Variants in PARVB observed in about 807,000 individuals in gnomAD.
PARVB encodes the protein beta-parvin.
Under a neutral mutation model 47.0 loss-of-function variants are expected in PARVB, and 46 were observed. That is an observed-to-expected ratio of 0.98 (90% CI 0.77 to 1.25). The LOEUF (loss-of-function observed/expected upper bound fraction) is 1.25. Ranked by LOEUF, PARVB falls within the 50% of genes most tolerant of loss-of-function variation. PARVB has a pLI of 0.00. For missense variants in PARVB, 473 were observed against 471.6 expected, an observed-to-expected ratio of 1.00 and a Z score of -0.03; for synonymous variants, 196 against 196.3, an observed-to-expected ratio of 1.00 and a Z score of 0.01.
intron 1 of PARVB, among the ~76,000 whole-genome samples, chr22:44,044,300 T>C (rs185794015): frequency 0.015 from 2,195 of 150,912 alleles, 21 homozygotes; most frequent in South Asian, 0.035. Context: ...ACGCCATTCT[T>C]CTGCCTCAGC....
chr22:44,024,285 G>T (rs1432785420), upstream of PARVB: 5 of 964,256 alleles, frequency 5.2e-6, no homozygotes, highest in Non-Finnish European at 6.2e-6. Context: ...CTCTCCCCGG[G>T]GCGACCGGGC....
chr22:44,069,235 T>A, intron 1 of PARVB: 2 of 1,373,508 alleles, frequency 1.5e-6, no homozygotes, highest in Non-Finnish European at 2.1e-6. Flanking sequence ...CTTTTCTGCT[T>A]TATGGCAGAA....
chr22:44,053,180 T>C (rs2051243539), intron 1 of PARVB, among the ~76,000 whole-genome samples: 1 of 149,696 alleles, frequency 6.7e-6, no homozygotes, highest in African/African-American at 2.5e-5. Flanking sequence ...GCCTCCTGGG[T>C]TCAAGCAATT....
intron 7 of PARVB, among the ~76,000 whole-genome samples, chr22:44,138,716 C>T (rs1043751116): frequency 1.3e-5 from 2 of 152,180 alleles, no homozygotes; most frequent in African/African-American, 4.8e-5. Context: ...CTCCTGTCTG[C>T]CAAGCAGGAG....
At chr22:44,094,949 T>C (rs1051756583) in intron 2 of PARVB, among the ~76,000 whole-genome samples, 5 of 151,202 alleles carry the variant, frequency 3.3e-5, no homozygotes, top group Non-Finnish European at 5.9e-5. Context: ...CCACGTGGCG[T>C]GGCGTGGTAT....
In PARVB at chr22:44,046,965, G is replaced by A. The variant is rs552520892; in HGVS notation, c.112+22514G>A. Among the ~76,000 whole-genome samples the A allele has an allele frequency of 2.8e-4, 42 of 152,088 alleles. 1 individual carries two copies. The highest frequency in any genetic ancestry group is 7.8e-4 in the Admixed American group (12 of 15,294). ...AGAACTGGCTCCTGGGTCGGTGTGC[G>A]GGGGGTGGGGATGGCCCGGGGGCCG... On this transcript the variant is annotated intron_variant, in intron 1 of 12. Transcript: ENST00000338758.
chr22:44,113,957 A>G (rs1601622192), intron 3 of PARVB: 1 of 60,114 alleles, frequency 1.7e-5, no homozygotes, highest in Non-Finnish European at 3.1e-5. Context: ...GCACCAGCAC[A>G]GATATATTGT....
At chr22:44,051,949 G>T (rs1178107551) in intron 1 of PARVB, among the ~76,000 whole-genome samples, 3 of 152,136 alleles carry the variant, frequency 2.0e-5, no homozygotes, top group Non-Finnish European at 4.4e-5. Flanking sequence ...ATGCACCGAG[G>T]ACTGATGGCC....
chr22:44,170,123 C>T lies in PARVB; in HGVS notation c.*1445C>T, dbSNP rs2147202293. On this transcript the variant is annotated 3_prime_UTR_variant, in exon 13 of 13. Transcript: ENST00000338758. Reference sequence around the variant, plus strand: ...TCAATTGATCCTCCCACCTCAGCCTCCCAAGTAGCGGGGACCACAAGTGCA... The same window carrying T: ...TCAATTGATCCTCCCACCTCAGCCTTCCAAGTAGCGGGGACCACAAGTGCA... 6.6e-6 allele frequency: 1 copy of T among 151,776 alleles called. No individual in the cohort carries two copies. Among genetic ancestry groups the T allele is most frequent in the Non-Finnish European group, 1.5e-5 (1 of 68,050 alleles). The allele number at this position is 151,776 out of a possible 1,614,324, so 9.4% of individuals were successfully genotyped here. A position where few individuals can be genotyped will look rare whatever the true frequency, so the allele number is the denominator to read the frequency against.
chr22:44,164,650 A>T (rs568439443), intron 12 of PARVB, among the ~76,000 whole-genome samples: 11 of 152,284 alleles, frequency 7.2e-5, no homozygotes, highest in African/African-American at 2.2e-4. Flanking sequence ...ATGCAGGAGG[A>T]GCCCACAGAA....
chr22:44,117,319 C>T (rs771214230), intron 3 of PARVB, among the ~76,000 whole-genome samples: 8 of 146,750 alleles, frequency 5.5e-5, no homozygotes, highest in Non-Finnish European at 8.9e-5. Context: ...GAGGATCCCC[C>T]AAAGGAGGCT....
intron 12 of PARVB, among the ~76,000 whole-genome samples, chr22:44,166,701 C>A (rs1237127399): frequency 6.6e-6 from 1 of 152,240 alleles, no homozygotes; most frequent in Non-Finnish European, 1.5e-5. Context: ...CTGCAGTGCT[C>A]ATTAGCACCT....
At chr22:44,010,627 T>C (rs2050512356) in intron 2 of PARVB, 1 of 152,214 alleles carries the variant, frequency 6.6e-6, no homozygotes, top group Admixed American at 6.5e-5. Flanking sequence ...TTTTCAAACA[T>C]CGGTTTTTGG....
At chr22:44,127,646 G>T (rs1462661534) in intron 4 of PARVB, among the ~76,000 whole-genome samples, 1 of 152,236 alleles carries the variant, frequency 6.6e-6, no homozygotes, top group African/African-American at 2.4e-5. Flanking sequence ...AAGGGAGGGG[G>T]AGCCAGAGGA....
rs1039919516 is a variant in PARVB at position 44,169,612 on chromosome 22, G to A, written c.*934G>A. The A allele has an allele frequency of 6.6e-6, 1 of 150,580 alleles. No individual in the cohort carries two copies. Among genetic ancestry groups the A allele is most frequent in the African/African-American group, 2.5e-5 (1 of 39,846 alleles). 9.3% of individuals were successfully genotyped at this position (150,580 alleles called of 1,614,324 possible). On this transcript the variant is annotated 3_prime_UTR_variant, in exon 13 of 13. Coordinates refer to ENST00000338758, the MANE Select transcript of PARVB (RefSeq NM_013327.5). Reference sequence around the variant, plus strand: ...AGAGAATTACATCCTCAGGCCTTTCGCCTTGGCTTGTAGATGCCGGCTTCT... The same window carrying A: ...AGAGAATTACATCCTCAGGCCTTTCACCTTGGCTTGTAGATGCCGGCTTCT...
At chr22:44,166,105 C>T (rs111239112) in intron 12 of PARVB, among the ~76,000 whole-genome samples, 23 of 152,120 alleles carry the variant, frequency 1.5e-4, no homozygotes, top group African/African-American at 5.1e-4. Flanking sequence ...TTTGTCCTCC[C>T]GAACCCACGA....
intron 12 of PARVB, among the ~76,000 whole-genome samples, chr22:44,167,480 T>C (rs2147195220): frequency 6.6e-6 from 1 of 152,128 alleles, no homozygotes; most frequent in Non-Finnish European, 1.5e-5. Flanking sequence ...GCTGCTCTGG[T>C]CTCCCTGTGA....
At chr22:44,092,567 G>A (rs574811626) in intron 1 of PARVB, among the ~76,000 whole-genome samples, 11 of 152,312 alleles carry the variant, frequency 7.2e-5, no homozygotes, top group African/African-American at 2.2e-4. Context: ...AAGGATGGAG[G>A]TTGTGTCGTC....
intron 8 of PARVB, chr22:44,140,683 G>A (rs2053533728): frequency 2.1e-6 from 1 of 484,722 alleles, no homozygotes; most frequent in South Asian, 1.5e-5. Context: ...AAATGGGAGT[G>A]TAAAAGGCTC....
Sources: allele counts gnomAD v4.1 joint callset (sites outside exome capture counted in the v4.1 genomes callset), GRCh38; gene constraint gnomAD v4.1.1; transcripts MANE v1.5; gene names NCBI Gene and HGNC (gene_info 2026-07-23, HGNC 2026-07-21).